MICU3: variants seen among roughly 807,000 people sequenced by gnomAD.
MICU3 encodes mitochondrial calcium uptake 3.
MICU3 carries 62 observed loss-of-function variants against 66.5 expected under a neutral mutation model. The ratio of observed to expected loss-of-function variants is 0.93; its 90% CI spans 0.76 to 1.15. The LOEUF (loss-of-function observed/expected upper bound fraction) is 1.15, where lower values mean the gene tolerates loss of function less well. Ranked by LOEUF, MICU3 falls within the 50% of genes most tolerant of loss-of-function variation. The probability of loss-of-function intolerance (pLI) is 0.00; values close to 1 mark genes in which losing one functional copy is unlikely to be tolerated. For missense variants in MICU3, 779 were observed against 664.4 expected, an observed-to-expected ratio of 1.17 and a Z score of -1.90; for synonymous variants, 308 against 240.7, an observed-to-expected ratio of 1.28 and a Z score of -2.59.
the MICU3 span, among the ~76,000 whole-genome samples, chr8:17,129,526 C>A: frequency 4.0e-5 from 6 of 151,888 alleles, no homozygotes; most frequent in African/African-American, 1.5e-4. Context: ...ATTCTGTGAA[C>A]CTAATAGAAG....
intron 1 of MICU3, among the ~76,000 whole-genome samples, chr8:17,053,588 G>A (rs1001247830): frequency 6.6e-6 from 1 of 152,126 alleles, no homozygotes; most frequent in African/African-American, 2.4e-5. Flanking sequence ...TGGGAAAGAT[G>A]AGGTAATTTA....
Position 17,081,716 on chromosome 8 carries a change from CTT to C in MICU3, c.674_675del (p.Phe225SerfsTer20). ...EKGVISYTEY[L>X]FLLCILTKPH... ...AGGTGTGATTTCTTACACAGAATAT[CTT>C]TTTCTTTTATGTATTTTAACAAGTA... is the stretch of plus-strand genomic sequence containing the variant. On this transcript the variant is annotated frameshift_variant, in exon 5 of 15. Transcript: ENST00000318063. LOFTEE classifies it high-confidence loss of function. 1.1e-6 allele frequency: 1 copy of C among 916,742 alleles called. No individual in the cohort carries two copies. Among genetic ancestry groups the C allele is most frequent in the Non-Finnish European group, 1.7e-6 (1 of 605,148 alleles). 56.8% of individuals were successfully genotyped at this position (916,742 alleles called of 1,614,324 possible).
At chr8:17,074,866 A>C (rs1820143668) in intron 3 of MICU3, among the ~76,000 whole-genome samples, 2 of 152,118 alleles carry the variant, frequency 1.3e-5, no homozygotes, top group African/African-American at 4.8e-5. Context: ...TTCTACCTAC[A>C]ATTTAATTCT....
chr8:17,062,591 T>C (rs972206826), intron 1 of MICU3, among the ~76,000 whole-genome samples: 1 of 152,242 alleles, frequency 6.6e-6, no homozygotes, highest in African/African-American at 2.4e-5. Context: ...GGGTTGTTTT[T>C]GTTATGGCTT....
intron 9 of MICU3, among the ~76,000 whole-genome samples, chr8:17,100,139 C>G (rs1372710278): frequency 6.6e-6 from 1 of 151,702 alleles, no homozygotes; most frequent in East Asian, 1.9e-4. Context: ...GTGACACCCC[C>G]TTTGTTACTT....
the MICU3 span, among the ~76,000 whole-genome samples, chr8:17,133,536 A>T: frequency 6.6e-6 from 1 of 151,970 alleles, no homozygotes; most frequent in South Asian, 2.1e-4. Context: ...ATGTATTTGG[A>T]TGTGATCTTT....
At chr8:17,095,948 A>T (rs1011668346) in intron 8 of MICU3, among the ~76,000 whole-genome samples, 1 of 152,012 alleles carries the variant, frequency 6.6e-6, no homozygotes, top group Non-Finnish European at 1.5e-5. Flanking sequence ...TAAGCAAAAA[A>T]TGTGTCACAC....
In MICU3 at chr8:17,090,526, C is replaced by T. The variant is rs1278241130; in HGVS notation, c.850-20C>T. ...TTCTGAAATATGACACTTCATTTGGCCCTTTGTGCTCTATGTCAGCGTCTT... is the reference window on the plus strand; with the variant it reads ...TTCTGAAATATGACACTTCATTTGGTCCTTTGTGCTCTATGTCAGCGTCTT... On this transcript the variant is annotated intron_variant, in intron 7 of 14. Transcript: ENST00000318063. The T allele has an allele frequency of 1.2e-6, 2 of 1,606,424 alleles. No homozygotes were observed.
intron 4 of MICU3, among the ~76,000 whole-genome samples, 174 bp downstream of exon 4, chr8:17,078,035 C>G (rs960166366): frequency 6.6e-6 from 1 of 151,864 alleles, no homozygotes; most frequent in East Asian, 1.9e-4. Context: ...TAATGTTGCT[C>G]TTGGGTAATT....
At position 17,036,895 on chromosome 8, in the gene MICU3, G is replaced by A. The variant is rs555755436; in HGVS notation, c.381+9235G>A. Among the ~76,000 whole-genome samples, 39 of 152,348 alleles carry A rather than the reference G, an allele frequency of 2.6e-4. 1 individual carries two copies. In the East Asian group the frequency reaches 5.8e-3, roughly 23 times the overall value. On this transcript the variant is annotated intron_variant, in intron 1 of 14. Coordinates refer to ENST00000318063, the MANE Select transcript of MICU3 (RefSeq NM_181723.3). ...GGTGCTCGTTGGGGAGGCTTGGGCC[G>A]CACAGGAGCCCACGGAGTGGGTGGG...
At position 17,066,517 on chromosome 8, in the gene MICU3, C is replaced by CCATA. The variant is rs369253171; in HGVS notation, c.535+2280_535+2281insCATA. 3.2e-4 allele frequency among the ~76,000 whole-genome samples: 34 copies of CCATA among 105,044 alleles called. No homozygotes were observed. In the South Asian group the frequency reaches 3.9e-3, roughly 12 times the overall value. The allele number at this position is 105,044 out of a possible 152,430, so 68.9% of individuals were successfully genotyped here. A position where few individuals can be genotyped will look rare whatever the true frequency, so the allele number is the denominator to read the frequency against. On this transcript the variant is annotated intron_variant, in intron 2 of 14. Transcript: ENST00000318063. The stretch of plus-strand genomic sequence containing the variant: ...TATTCTTTAAGTGATTGTTAATAAT[C>CCATA]TATATATATATATATATATATATAG...
downstream of MICU3, among the ~76,000 whole-genome samples, chr8:17,124,771 T>G (rs1803361993): frequency 6.6e-6 from 1 of 151,954 alleles, no homozygotes; most frequent in Admixed American, 6.6e-5. Context: ...AAATAGAGTA[T>G]GGTATACCTT....
chr8:17,073,157 T>C (rs1041189187), intron 3 of MICU3, among the ~76,000 whole-genome samples: 7 of 152,180 alleles, frequency 4.6e-5, no homozygotes, highest in African/African-American at 1.7e-4. Flanking sequence ...ATGTTGAAAA[T>C]GCATATGAGA....
intron 13 of MICU3, among the ~76,000 whole-genome samples, chr8:17,118,457 A>G (rs374212664): frequency 4.6e-5 from 7 of 152,320 alleles, no homozygotes; most frequent in African/African-American, 1.7e-4. Flanking sequence ...TATGAAATAC[A>G]TGATTACTAA....
chr8:17,104,530 C>T lies in MICU3; in HGVS notation c.1085+39C>T, dbSNP rs184496119. ...TATATTTTTATTAAAAATTATTAGC[C>T]TACTGAAATCAGAAGGATCTTTAGA... On this transcript the variant is annotated intron_variant, in intron 10 of 14. Coordinates refer to ENST00000318063, the MANE Select transcript of MICU3 (RefSeq NM_181723.3). The T allele has an allele frequency of 3.2e-4, 343 of 1,088,706 alleles. 1 individual carries two copies. The African/African-American group carries it at 4.9e-3, about 16-fold the overall frequency. The allele number at this position is 1,088,706 out of a possible 1,614,324, so 67.4% of individuals were successfully genotyped here. A position where few individuals can be genotyped will look rare whatever the true frequency, so the allele number is the denominator to read the frequency against.
At chr8:17,134,480 T>A in the MICU3 span, among the ~76,000 whole-genome samples, 3 of 151,342 alleles carry the variant, frequency 2.0e-5, no homozygotes, top group Non-Finnish European at 4.4e-5. Context: ...AGCCTCACTC[T>A]GTCACTCAGG....
At chr8:17,061,375 G>A (rs1817799136) in intron 1 of MICU3, among the ~76,000 whole-genome samples, 1 of 152,158 alleles carries the variant, frequency 6.6e-6, no homozygotes, top group Non-Finnish European at 1.5e-5. Context: ...CTCAGGAGCG[G>A]TAGTGGCAAG....
At chr8:17,038,620 C>T (rs1460755091) in intron 1 of MICU3, among the ~76,000 whole-genome samples, 3 of 152,200 alleles carry the variant, frequency 2.0e-5, no homozygotes, top group Non-Finnish European at 2.9e-5. Context: ...CAAACAGCAT[C>T]ACCTGCTACA....
At position 17,060,853 on chromosome 8, in the gene MICU3, C is replaced by A. The variant is rs547967044; in HGVS notation, c.382-3231C>A. 2.7e-5 allele frequency among the ~76,000 whole-genome samples: 4 copies of A among 150,838 alleles called. 1 individual carries two copies. In the South Asian group the frequency reaches 8.4e-4, roughly 32 times the overall value. On this transcript the variant is annotated intron_variant, in intron 1 of 14. Coordinates refer to ENST00000318063, the MANE Select transcript of MICU3 (RefSeq NM_181723.3). ...AAACCCTTTCCAAACTCCTTACTGA[C>A]CTTCTTTTAAAGTGGTGCTAAATAG...
Sources: allele counts gnomAD v4.1 joint callset (sites outside exome capture counted in the v4.1 genomes callset), GRCh38; gene constraint gnomAD v4.1.1; transcripts MANE v1.5; gene names NCBI Gene and HGNC (gene_info 2026-07-23, HGNC 2026-07-21).